The following TRAPPC9 variants were observed in gnomAD, a reference collection of about 807,000 sequenced individuals.
TRAPPC9 encodes the protein IKK2 binding protein.
Under a neutral mutation model 124.0 loss-of-function variants are expected in TRAPPC9, and 83 were observed. The observed-to-expected ratio is 0.67, with a 90% CI of 0.56 to 0.80. The LOEUF is 0.80. Among genes scored for constraint, TRAPPC9 ranks in the 30% least tolerant of loss-of-function variants. The pLI, the probability that TRAPPC9 is intolerant of heterozygous loss-of-function variation, is 0.00. For missense variants in TRAPPC9, 1,302 were observed against 1,508.3 expected (o/e 0.86, Z 2.27); for synonymous variants, 638 against 617.5 (o/e 1.03, Z -0.49).
chr8:140,009,029 T>C (rs1181755181), intron 18 of TRAPPC9, among the ~76,000 whole-genome samples: 1 of 152,224 alleles, frequency 6.6e-6, no homozygotes, highest in Non-Finnish European at 1.5e-5. Context: ...AAACTGTTTC[T>C]ATTTTTAGTC....
chr8:140,239,464 C>A (rs1163451086), intron 16 of TRAPPC9, among the ~76,000 whole-genome samples: 2 of 152,162 alleles, frequency 1.3e-5, no homozygotes, highest in Non-Finnish European at 2.9e-5. Context: ...ATGCAGCCAC[C>A]AGGCGCTAGG....
intron 17 of TRAPPC9, among the ~76,000 whole-genome samples, chr8:140,111,778 T>G (rs1251107142): frequency 6.6e-6 from 1 of 152,242 alleles, no homozygotes; most frequent in Non-Finnish European, 1.5e-5. Context: ...GCAAGATACT[T>G]TGTCCTGAAA....
At chr8:139,775,634 A>G (rs998281762) in intron 21 of TRAPPC9, among the ~76,000 whole-genome samples, 4 of 152,272 alleles carry the variant, frequency 2.6e-5, no homozygotes, top group African/African-American at 9.6e-5. Flanking sequence ...TTTCCCCCAT[A>G]GATATGGCCT....
intron 20 of TRAPPC9, among the ~76,000 whole-genome samples, chr8:139,908,170 C>A (rs1282473837): frequency 6.6e-6 from 1 of 151,788 alleles, no homozygotes; most frequent in Non-Finnish European, 1.5e-5. Flanking sequence ...AAAATCCCAA[C>A]CATCCTAGGG....
At chr8:139,860,775 A>G (rs1828082759) in intron 21 of TRAPPC9, among the ~76,000 whole-genome samples, 1 of 152,238 alleles carries the variant, frequency 6.6e-6, no homozygotes, top group South Asian at 2.1e-4. Context: ...GGGCCCTCAC[A>G]TGGAGGGCAG....
chr8:140,447,966 G>A (rs185898939), intron 2 of TRAPPC9, among the ~76,000 whole-genome samples: 80 of 152,146 alleles, frequency 5.3e-4, no homozygotes, highest in African/African-American at 1.9e-3. Flanking sequence ...CCAACATGGT[G>A]AAACCCTGTC....
intron 1 of TRAPPC9, among the ~76,000 whole-genome samples, chr8:140,457,301 G>A (rs2071713824): frequency 6.6e-6 from 1 of 152,226 alleles, no homozygotes; most frequent in Non-Finnish European, 1.5e-5. Context: ...GCACAGAGGG[G>A]AAGGGGACCC....
rs1309531389 is a variant in TRAPPC9, at chr8:139,997,246, G to A, written c.2700-8410C>T. Among the ~76,000 whole-genome samples, 3 of 152,124 alleles carry A rather than the reference G, an allele frequency of 2.0e-5. 1 individual carries two copies. Among genetic ancestry groups the A allele is most frequent in the Middle Eastern group, 6.8e-3 (2 of 294 alleles). Reference sequence around the variant, plus strand: ...CTAGGGAGACAGTGCATCCTTCATAGGGGAGACAATGCAACCCTCACAGGG... The same window carrying A: ...CTAGGGAGACAGTGCATCCTTCATAAGGGAGACAATGCAACCCTCACAGGG... On this transcript the variant is annotated intron_variant, in intron 18 of 22. Transcript: ENST00000438773.
At chr8:139,980,341 ACT>A (rs1836806122) in intron 19 of TRAPPC9, among the ~76,000 whole-genome samples, 1 of 151,946 alleles carries the variant, frequency 6.6e-6, no homozygotes, top group Non-Finnish European at 1.5e-5. Flanking sequence ...CTCTGCCTCC[ACT>A]CTCAATGCCA....
At chr8:140,168,340 C>T (rs529538541) in intron 17 of TRAPPC9, among the ~76,000 whole-genome samples, 146 of 149,294 alleles carry the variant, frequency 9.8e-4, no homozygotes, top group African/African-American at 3.0e-3. Context: ...GTTATGCAAC[C>T]ACCTCTATCC....
At chr8:139,828,948 T>C (rs920174724) in intron 21 of TRAPPC9, among the ~76,000 whole-genome samples, 6 of 152,234 alleles carry the variant, frequency 3.9e-5, no homozygotes, top group African/African-American at 7.2e-5. Flanking sequence ...AACTATTCTA[T>C]ATTTGTAAGA....
chr8:140,210,813 C>A (rs2063042709), intron 17 of TRAPPC9, among the ~76,000 whole-genome samples: 1 of 152,202 alleles, frequency 6.6e-6, no homozygotes, highest in South Asian at 2.1e-4. Context: ...ATGTCTTATG[C>A]AAGCCTGTGG....
chr8:140,230,213 C>T (rs1237086094), intron 16 of TRAPPC9, among the ~76,000 whole-genome samples: 4 of 152,218 alleles, frequency 2.6e-5, no homozygotes, highest in Admixed American at 6.5e-5. Context: ...AAGACACTGG[C>T]CACACAGAAA....
At chr8:139,927,632 C>G (rs74524022) in intron 19 of TRAPPC9, among the ~76,000 whole-genome samples, 6,446 of 152,212 alleles carry the variant, frequency 0.042, 335 homozygotes, top group African/African-American at 0.13. Context: ...AATGAAAATA[C>G]GTCTATGCAG....
chr8:140,118,478 C>T (rs970490987), intron 17 of TRAPPC9, among the ~76,000 whole-genome samples: 2 of 152,198 alleles, frequency 1.3e-5, no homozygotes, highest in African/African-American at 4.8e-5. Flanking sequence ...CTTTCTAGCC[C>T]ACAATGGTCT....
chr8:139,865,106 C>A (rs1408329142), intron 21 of TRAPPC9, among the ~76,000 whole-genome samples: 1 of 152,136 alleles, frequency 6.6e-6, no homozygotes, highest in Non-Finnish European at 1.5e-5. Flanking sequence ...AGGAAAAACT[C>A]AAGGAGGCCC....
intron 20 of TRAPPC9, among the ~76,000 whole-genome samples, chr8:139,890,165 C>T (rs1440244244): frequency 6.6e-6 from 1 of 152,242 alleles, no homozygotes; most frequent in Non-Finnish European, 1.5e-5. Context: ...AGCCAGCACA[C>T]GTGGAACCCA....
At chr8:139,876,870 T>A (rs1349798351) in intron 21 of TRAPPC9, among the ~76,000 whole-genome samples, 1 of 152,172 alleles carries the variant, frequency 6.6e-6, no homozygotes, top group African/African-American at 2.4e-5. Flanking sequence ...ACTCTCCTAG[T>A]CATGAAGAGT....
chr8:139,925,829 A>G (rs576802942), intron 19 of TRAPPC9, among the ~76,000 whole-genome samples: 4 of 40,784 alleles, frequency 9.8e-5, no homozygotes, highest in Admixed American at 3.3e-4. Flanking sequence ...ACGCACACGC[A>G]CACACACACA....
Sources: allele counts gnomAD v4.1 joint callset (sites outside exome capture counted in the v4.1 genomes callset), GRCh38; gene constraint gnomAD v4.1.1; transcripts MANE v1.5; gene names NCBI Gene and HGNC (gene_info 2026-07-23, HGNC 2026-07-21).